Variants in CAMSAP2 observed in about 807,000 individuals in gnomAD.
CAMSAP2 encodes the protein calmodulin-regulated spectrin-associated protein 2.
In CAMSAP2, 26 loss-of-function variants were observed where a neutral mutation model predicts 146.1. The observed-to-expected ratio is 0.18, with a 90% CI of 0.13 to 0.25. The LOEUF (loss-of-function observed/expected upper bound fraction) is 0.25, where lower values mean the gene tolerates loss of function less well. CAMSAP2 is among the 10% of genes least tolerant of loss of function. The probability of loss-of-function intolerance (pLI) is 1.00; values close to 1 mark genes in which losing one functional copy is unlikely to be tolerated. For synonymous variants in CAMSAP2, 499 were observed against 596.6 expected (o/e 0.84, Z 2.38); for missense variants, 1,381 against 1,759.3 (o/e 0.78, Z 3.85).
At chr1:200,803,879 G>A (rs1420424554) in intron 2 of CAMSAP2, among the ~76,000 whole-genome samples, 3 of 151,692 alleles carry the variant, frequency 2.0e-5, no homozygotes, top group South Asian at 2.1e-4. Context: ...TTGTGTGTGC[G>A]TGTGTGTCTG....
At chr1:200,804,150 T>G (rs1179968735) in intron 2 of CAMSAP2, among the ~76,000 whole-genome samples, 1 of 152,026 alleles carries the variant, frequency 6.6e-6, no homozygotes, top group Non-Finnish European at 1.5e-5. Context: ...ATGGTCTCGA[T>G]CTCCTGACCT....
chr1:200,759,254 A>G (rs913671513), intron 1 of CAMSAP2, among the ~76,000 whole-genome samples: 1 of 150,512 alleles, frequency 6.6e-6, no homozygotes, highest in Non-Finnish European at 1.5e-5. Flanking sequence ...TTTTCTGACT[A>G]AAATTCTGCC....
chr1:200,774,463 G>A (rs866945138), intron 2 of CAMSAP2, among the ~76,000 whole-genome samples: 1 of 152,142 alleles, frequency 6.6e-6, no homozygotes, highest in East Asian at 1.9e-4. Context: ...TATACTTGGA[G>A]GATTGTGAGA....
chr1:200,832,889 T>C lies in CAMSAP2; in HGVS notation c.927+44T>C, dbSNP rs755491159. On this transcript the variant is annotated intron_variant, in intron 6 of 16. Transcript: ENST00000358823. The surrounding 1 kb of genome is among the most constrained non-coding windows in gnomAD (Gnocchi z 4.2). ...TTTTTCCCTTTGCTTTGTTAAAATA[T>C]GTTTTTTTAAAAAACAAACAAAAAC... The C allele has an allele frequency of 6.6e-6, 10 of 1,517,432 alleles. No individual in the cohort carries two copies. The highest frequency in any genetic ancestry group is 3.5e-4 in the Middle Eastern group (2 of 5,678). 94.0% of individuals were successfully genotyped at this position (1,517,432 alleles called of 1,614,324 possible).
At chr1:200,784,938 A>G (rs921556956) in intron 2 of CAMSAP2, among the ~76,000 whole-genome samples, 3 of 152,220 alleles carry the variant, frequency 2.0e-5, no homozygotes, top group Non-Finnish European at 4.4e-5. Context: ...TTGCTAAGAA[A>G]TATATGTATG....
intron 2 of CAMSAP2, among the ~76,000 whole-genome samples, chr1:200,767,326 C>CA (rs1266027426): frequency 1.3e-5 from 2 of 148,458 alleles, no homozygotes; most frequent in Admixed American, 6.8e-5. Flanking sequence ...TGCGCCACTG[C>CA]ACTCCAGCCT....
intron 6 of CAMSAP2, among the ~76,000 whole-genome samples, chr1:200,839,652 AG>A (rs1667268230): frequency 6.6e-6 from 1 of 152,216 alleles, no homozygotes; most frequent in Non-Finnish European, 1.5e-5. Flanking sequence ...CTAAGCCATA[AG>A]GATGCAAAGG....
At chr1:200,856,839 C>T (rs1466590967) in intron 15 of CAMSAP2, among the ~76,000 whole-genome samples, 1 of 152,134 alleles carries the variant, frequency 6.6e-6, no homozygotes, top group Non-Finnish European at 1.5e-5. Flanking sequence ...ATACTACCTC[C>T]TACCGCCAGT....
intron 3 of CAMSAP2, among the ~76,000 whole-genome samples, chr1:200,811,910 C>A (rs1666341924): frequency 6.6e-6 from 1 of 152,142 alleles, no homozygotes. Flanking sequence ...CCCTTTCTCA[C>A]CTCTGAACCG....
chr1:200,819,572 T>G (rs1343555757), intron 4 of CAMSAP2, among the ~76,000 whole-genome samples: 1 of 152,186 alleles, frequency 6.6e-6, no homozygotes, highest in African/African-American at 2.4e-5. Flanking sequence ...GTTCTGCCAC[T>G]AAATAGCTTC....
chr1:200,762,078 AG>A (rs1183588077), intron 2 of CAMSAP2, among the ~76,000 whole-genome samples: 1 of 152,228 alleles, frequency 6.6e-6, no homozygotes, highest in Non-Finnish European at 1.5e-5. Context: ...CTTGGGAGGA[AG>A]GTAAGGTGTA....
chr1:200,769,484 A>C (rs1571734705), intron 2 of CAMSAP2, among the ~76,000 whole-genome samples: 1 of 152,294 alleles, frequency 6.6e-6, no homozygotes, highest in East Asian at 1.9e-4. Context: ...CAGATCCCAC[A>C]GGTTGAGGGC....
chr1:200,813,722 AAAATAAAAACAAGGAT>A (rs1331660897), intron 3 of CAMSAP2, among the ~76,000 whole-genome samples: 3 of 152,224 alleles, frequency 2.0e-5, no homozygotes, highest in Non-Finnish European at 2.9e-5. Context: ...AGTGGGGAAA[AAAATAAAAACAAGGAT>A]ATTTCCAAAC....
intron 4 of CAMSAP2, among the ~76,000 whole-genome samples, chr1:200,823,181 A>T (rs1666818853): frequency 6.6e-6 from 1 of 152,210 alleles, no homozygotes; most frequent in Non-Finnish European, 1.5e-5. Context: ...TTCTGTTATA[A>T]GCAAGTTTTT....
rs563489997 is a variant in CAMSAP2, at chr1:200,751,873, G to A, written c.140-8966G>A. On this transcript the variant is annotated intron_variant, in intron 1 of 16. Coordinates refer to ENST00000358823, the MANE Select transcript of CAMSAP2 (RefSeq NM_203459.4). ...GGTTATAAATTAGATGGAGAATAGG[G>A]TTGGGCTGTGGGTGTAACAGGTGCA... Among the ~76,000 whole-genome samples the A allele has an allele frequency of 4.6e-5, 7 of 152,276 alleles. No individual in the cohort carries two copies. The East Asian group carries it at 1.3e-3, about 29-fold the overall frequency.
Position 200,815,536 on chromosome 1 carries a change from C to A in CAMSAP2, c.562-25C>A. 3.3e-6 allele frequency: 4 copies of A among 1,215,050 alleles called. No homozygotes were observed. The South Asian group carries it at 5.1e-5, about 16-fold the overall frequency. 75.3% of individuals were successfully genotyped at this position (1,215,050 alleles called of 1,614,324 possible). A position where few individuals can be genotyped will look rare whatever the true frequency, so the allele number is the denominator to read the frequency against. Reference sequence around the variant, plus strand: ...TAAATTCAAAAAAAGAATAAAAATTCAAACTGATATTTTTATATTTTAAGG... The same window carrying A: ...TAAATTCAAAAAAAGAATAAAAATTAAAACTGATATTTTTATATTTTAAGG... On this transcript the variant is annotated intron_variant, in intron 3 of 16. Coordinates refer to ENST00000358823, the MANE Select transcript of CAMSAP2 (RefSeq NM_203459.4).
chr1:200,766,052 G>A (rs191391940), intron 2 of CAMSAP2, among the ~76,000 whole-genome samples: 4 of 152,142 alleles, frequency 2.6e-5, no homozygotes, highest in East Asian at 3.9e-4. Flanking sequence ...AAACTGAACC[G>A]CTATACTGTC....
chr1:200,762,637 G>GAT (rs1664831585), intron 2 of CAMSAP2, among the ~76,000 whole-genome samples: 1 of 152,164 alleles, frequency 6.6e-6, no homozygotes, highest in Non-Finnish European at 1.5e-5. Flanking sequence ...TTCAGATACA[G>GAT]ATATATATGT....
chr1:200,852,804 G>C (rs1421741546), intron 12 of CAMSAP2, 127 bp downstream of exon 12: 1 of 984,058 alleles, frequency 1.0e-6, no homozygotes, highest in Non-Finnish European at 1.4e-6. Flanking sequence ...TTCTTTCAGA[G>C]AAGTTTGTAG....
Sources: allele counts gnomAD v4.1 joint callset (sites outside exome capture counted in the v4.1 genomes callset), GRCh38; gene constraint gnomAD v4.1.1; non-coding constraint Gnocchi (gnomAD v3.1); transcripts MANE v1.5; gene names NCBI Gene and HGNC (gene_info 2026-07-23, HGNC 2026-07-21).